The following PTPN21 variants were observed in gnomAD, a reference collection of about 807,000 sequenced individuals.
PTPN21 encodes the protein protein tyrosine phosphatase non-receptor type 21.
Under a neutral mutation model 131.8 loss-of-function variants are expected in PTPN21, and 77 were observed. The observed-to-expected ratio is 0.58, with a 90% confidence interval of 0.49 to 0.71. The LOEUF (loss-of-function observed/expected upper bound fraction) is 0.71, where lower values mean the gene tolerates loss of function less well. PTPN21 is among the 30% of genes least tolerant of loss of function. The pLI, the probability that PTPN21 is intolerant of heterozygous loss-of-function variation, is 0.00. For synonymous variants in PTPN21, 715 were observed against 621.3 expected (o/e 1.15, Z -2.24); for missense variants, 1,552 against 1,527.1 (o/e 1.02, Z -0.27).
At position 88,496,459 on chromosome 14, in the gene PTPN21, G is replaced by C; in HGVS notation, c.886C>G (p.Leu296Val). The change falls in exon 10 of 19, where the codon CTC (leucine) becomes GTC (valine). Residue 296 changes from leucine (L) to valine (V), a missense_variant. By Grantham distance (32) the Leu-to-Val change is conservative. Coordinates refer to ENST00000556564, the MANE Select transcript of PTPN21 (RefSeq NM_007039.4). The stretch of plus-strand genomic sequence containing the variant: ...TAAAACTTGTGTCGCGCAACACAGA[G>C]TCTCCAAATGTATTTTGCTGTTTCC... ...DMETAKYIWR[L>V]CVARHKFYRL... is the part of the protein sequence containing the mutation. The C allele has an allele frequency of 6.2e-7, 1 of 1,613,928 alleles. No homozygotes were observed. The highest frequency in any genetic ancestry group is 8.5e-7 in the Non-Finnish European group (1 of 1,179,904).
intron 13 of PTPN21, among the ~76,000 whole-genome samples, chr14:88,476,864 A>G (rs1012910762): frequency 2.0e-5 from 3 of 152,182 alleles, no homozygotes; most frequent in Admixed American, 1.3e-4. Context: ...TTAAAAGTCA[A>G]TGGGAGAGAA....
intron 10 of PTPN21, among the ~76,000 whole-genome samples, chr14:88,495,464 C>G (rs2077896709): frequency 6.6e-6 from 1 of 152,102 alleles, no homozygotes; most frequent in South Asian, 2.1e-4. Context: ...AGTTCAAGAC[C>G]AGCCTGAACA....
intron 10 of PTPN21, chr14:88,493,068 T>C (rs1378767632): frequency 4.4e-6 from 2 of 456,624 alleles, no homozygotes; most frequent in Non-Finnish European, 8.8e-6. Flanking sequence ...CTCCACTTAC[T>C]AGTTGTGTGG....
rs2078025453 is a variant in PTPN21 at position 88,502,506 on chromosome 14, T to C, written c.588-1138A>G. ...TTATAATTACTATAGTGGGTTGTCC[T>C]GCCAGCCCTCATATTGCAGGGCTGG... On this transcript the variant is annotated intron_variant, in intron 6 of 18. Coordinates refer to ENST00000556564, the MANE Select transcript of PTPN21 (RefSeq NM_007039.4). 2.0e-5 allele frequency among the ~76,000 whole-genome samples: 3 copies of C among 152,208 alleles called. No individual in the cohort carries two copies. In the South Asian group the frequency reaches 6.2e-4, roughly 32 times the overall value.
intron 2 of PTPN21, among the ~76,000 whole-genome samples, chr14:88,537,018 A>AT (rs1187080293): frequency 1.3e-5 from 2 of 152,114 alleles, no homozygotes; most frequent in South Asian, 2.1e-4. Flanking sequence ...AGCAGGCAGC[A>AT]TTTTTTCCTT....
At chr14:88,488,298 C>A (rs1050849211) in intron 10 of PTPN21, among the ~76,000 whole-genome samples, 1 of 151,856 alleles carries the variant, frequency 6.6e-6, no homozygotes, top group Non-Finnish European at 1.5e-5. Flanking sequence ...CCCTCCCACA[C>A]TGAGAGCTTA....
In PTPN21 at chr14:88,479,049, G is replaced by A. The variant is rs927841819; in HGVS notation, c.2382C>T (p.Pro794=). 4.4e-6 allele frequency: 7 copies of A among 1,607,314 alleles called. No individual in the cohort carries two copies. Among genetic ancestry groups the A allele is most frequent in the South Asian group, 3.3e-5 (3 of 90,362 alleles). Residue 794 remains proline (P), a synonymous_variant, in exon 13 of 19, where the codon CCC becomes CCT. Coordinates refer to ENST00000556564, the MANE Select transcript of PTPN21 (RefSeq NM_007039.4). ...TGGTGAGGTCGGACTCCGACATGGAGGGCATCAGCAGCCCGTCTCTCCAGG... is the reference window on the plus strand; with the variant it reads ...TGGTGAGGTCGGACTCCGACATGGAAGGCATCAGCAGCCCGTCTCTCCAGG... ...QRPWRDGLLM[P]SMSESDLTTS...
rs1196100460 is a variant in PTPN21, at chr14:88,472,260, T to C, written c.2855A>G (p.Asn952Ser). The C allele has an allele frequency of 1.2e-6, 2 of 1,610,152 alleles. No individual in the cohort carries two copies. Among genetic ancestry groups the C allele is most frequent in the East Asian group, 4.5e-5 (2 of 44,854 alleles). The change falls in exon 15 of 19, where the codon AAC becomes AGC. Residue 952 changes from asparagine to serine, a missense_variant. Asn to Ser is a conservative substitution (Grantham distance 46). Coordinates refer to ENST00000556564, the MANE Select transcript of PTPN21 (RefSeq NM_007039.4). The part of the protein sequence containing the change: ...PTKENNTGYI[N>S]ASHIKVSVSG... ...TCCTCTCACCTTAATATGTGATGCG[T>C]TGATGTAACCAGTGTTGTTTTCTTT...
chr14:88,467,856 A>G lies in PTPN21; in HGVS notation c.*281T>C, dbSNP rs902858467. 6 of 369,382 alleles carry G rather than the reference A, an allele frequency of 1.6e-5. No homozygotes were observed. The highest frequency in any genetic ancestry group is 1.5e-4 in the Admixed American group (3 of 20,314). The allele number at this position is 369,382 out of a possible 1,614,324, so 22.9% of individuals were successfully genotyped here. On this transcript the variant is annotated 3_prime_UTR_variant, in exon 19 of 19. Coordinates refer to ENST00000556564, the MANE Select transcript of PTPN21 (RefSeq NM_007039.4). ...AATAGAGAATTGTCTAGAAAATACA[A>G]TCTCCAAAATGTGTGCAAGTACTGC...
rs2077426712 is a variant in PTPN21, at chr14:88,469,700, G to T, written c.3034C>A (p.Pro1012Thr). The T allele has an allele frequency of 5.6e-6, 9 of 1,614,052 alleles. No individual in the cohort carries two copies. Among genetic ancestry groups the T allele is most frequent in the Admixed American group, 1.7e-5 (1 of 59,992 alleles). The change falls in exon 17 of 19, where the codon CCA becomes ACA. Residue 1012 changes from proline to threonine, a missense_variant. By Grantham distance (38) the Pro-to-Thr change is conservative (BLOSUM62 -1). Transcript: ENST00000556564. This position sits in a 1 kb window ranked among gnomAD's most constrained non-coding sequence, Gnocchi z 4.3. ...GGREKSFRYWPRLGSRHNTVT... is the reference protein window; with the variant it reads ...GGREKSFRYWTRLGSRHNTVT... ...GTGTTGTGCCTGGAACCAAGTCGTG[G>T]CCAGTACCTAAAGCTCTTCTCCCTT...
chr14:88,543,042 G>A (rs1450736654), intron 2 of PTPN21, among the ~76,000 whole-genome samples: 3 of 152,126 alleles, frequency 2.0e-5, no homozygotes, highest in Admixed American at 6.5e-5. Flanking sequence ...TAGTACACAA[G>A]GAAATAAGCA....
chr14:88,539,266 T>C (rs990895242), intron 2 of PTPN21, among the ~76,000 whole-genome samples: 3 of 150,382 alleles, frequency 2.0e-5, no homozygotes, highest in Admixed American at 6.6e-5. Context: ...TTTTTTTTTT[T>C]GAGACATAGT....
At chr14:88,518,978 C>T (rs2078347178) in intron 2 of PTPN21, among the ~76,000 whole-genome samples, 1 of 54,578 alleles carries the variant, frequency 1.8e-5, no homozygotes, top group African/African-American at 5.5e-5. Context: ...TCTCTCCCTA[C>T]ACACACACAC....
At chr14:88,510,529 C>A (rs1037376226) in intron 3 of PTPN21, among the ~76,000 whole-genome samples, 1 of 152,194 alleles carries the variant, frequency 6.6e-6, no homozygotes, top group African/African-American at 2.4e-5. Flanking sequence ...TTAACCACGA[C>A]AAATCTACAG....
intron 9 of PTPN21, 21 bp from the exon 10 acceptor site, chr14:88,496,513 A>G: frequency 6.4e-7 from 1 of 1,573,798 alleles, no homozygotes; most frequent in South Asian, 1.1e-5. Flanking sequence ...AAATAGGCAT[A>G]AAGCAATATG....
intron 13 of PTPN21, among the ~76,000 whole-genome samples, chr14:88,476,011 A>C (rs193213738): frequency 6.6e-6 from 1 of 152,326 alleles, no homozygotes. Context: ...CACTGCACTA[A>C]AGGGTACAAC....
chr14:88,513,594 C>G (rs1298757339), intron 3 of PTPN21: 20 of 152,296 alleles, frequency 1.3e-4, no homozygotes, highest in African/African-American at 4.6e-4. Flanking sequence ...AGTAAAAACT[C>G]CAGGCACCAA....
intron 2 of PTPN21, among the ~76,000 whole-genome samples, chr14:88,542,033 AG>A (rs2078714219): frequency 1.3e-5 from 2 of 152,260 alleles, no homozygotes; most frequent in South Asian, 4.1e-4. Flanking sequence ...CAGATCTCAA[AG>A]GGGTCCATGA....
intron 13 of PTPN21, 67 bp downstream of exon 13, chr14:88,478,853 T>C: frequency 1.9e-6 from 2 of 1,074,972 alleles, no homozygotes; most frequent in Non-Finnish European, 2.5e-6. Flanking sequence ...CGGGACGTGA[T>C]GAGTGAAAGA....
Sources: gnomAD v4.1 joint callset for allele counts (sites outside exome capture counted in the v4.1 genomes callset) on GRCh38, gnomAD v4.1.1 for gene constraint, Gnocchi (gnomAD v3.1) non-coding constraint, MANE v1.5 for transcripts, NCBI Gene and HGNC (gene_info 2026-07-23, HGNC 2026-07-21) for gene names.